STAP2: variants seen among roughly 807,000 people sequenced by gnomAD.
STAP2 encodes the protein signal-transducing adaptor protein 2.
A neutral mutation model predicts 52.7 loss-of-function variants in STAP2; 58 were observed. That is an observed-to-expected ratio of 1.10 (90% CI 0.89 to 1.37). STAP2 has a LOEUF of 1.37. Among genes scored for constraint, STAP2 ranks in the 40% most tolerant of loss-of-function variants. The pLI is 0.00. For missense variants in STAP2, 522 were observed against 519.4 expected, an observed-to-expected ratio of 1.00 and a Z score of -0.05; for synonymous variants, 231 against 210.5, an observed-to-expected ratio of 1.10 and a Z score of -0.84.
chr19:4,332,437 C>T (rs1971909472), intron 3 of STAP2, among the ~76,000 whole-genome samples: 1 of 151,638 alleles, frequency 6.6e-6, no homozygotes, highest in Admixed American at 6.6e-5. Flanking sequence ...AACTCCTGGG[C>T]CCAAGCTATC....
At position 4,338,637 on chromosome 19, in the gene STAP2, G is replaced by T. The variant is rs369304509; in HGVS notation, c.102+15C>A. 4.4e-6 allele frequency: 6 copies of T among 1,351,332 alleles called. No homozygotes were observed. The East Asian group carries it at 1.8e-4, about 40-fold the overall frequency. 83.7% of individuals were successfully genotyped at this position (1,351,332 alleles called of 1,614,324 possible). A position where few individuals can be genotyped will look rare whatever the true frequency, so the allele number is the denominator to read the frequency against. On this transcript the variant is annotated intron_variant, in intron 1 of 12. Transcript: ENST00000594605. The stretch of plus-strand genomic sequence containing the variant: ...CGGTGGCCCAGCAGGGCCAGCCCCC[G>T]CCTCCCCACCTTACCCGGTCACAGG...
At chr19:4,324,759 C>A in intron 11 of STAP2, 1 of 507,762 alleles carries the variant, frequency 2.0e-6, no homozygotes, top group Non-Finnish European at 3.6e-6. Flanking sequence ...TTGAACCCGG[C>A]AGACAGAGGT....
intron 5 of STAP2, among the ~76,000 whole-genome samples, chr19:4,329,565 G>A (rs933602579): frequency 1.3e-5 from 2 of 151,370 alleles, no homozygotes; most frequent in African/African-American, 4.9e-5. Flanking sequence ...ACCAAGAACC[G>A]CCCACAAAGA....
chr19:4,334,663 A>G (rs1659262380), intron 1 of STAP2, among the ~76,000 whole-genome samples: 2 of 146,580 alleles, frequency 1.4e-5, no homozygotes, highest in South Asian at 2.2e-4. Context: ...CCATCCGTCC[A>G]TCACCCCCAT....
rs10413905 is a variant in STAP2 at position 4,333,669 on chromosome 19, T to C, written c.297+25A>G. On this transcript the variant is annotated intron_variant, in intron 3 of 12. Transcript: ENST00000594605. ...GCATCTTCTGCAAGCACCGCCCCTCTGCACCCCTCCAGCAAGGGACCTACC... is the reference window on the plus strand; with the variant it reads ...GCATCTTCTGCAAGCACCGCCCCTCCGCACCCCTCCAGCAAGGGACCTACC... 524,521 of 1,601,412 alleles carry C rather than the reference T, an allele frequency of 0.33. 88,523 individuals are homozygous for C. Among genetic ancestry groups the C allele is most frequent in the East Asian group, 0.55 (24,414 of 44,686 alleles).
At position 4,324,129 on chromosome 19, in the gene STAP2, C is replaced by T. The variant is rs764762672; in HGVS notation, c.*4G>A. Reference sequence around the variant, plus strand: ...CTAGCCCGCTGGTCCCTGGTGTGTCCGAATCAGTGCTCCAGTGCCCGCCTC... The same window carrying T: ...CTAGCCCGCTGGTCCCTGGTGTGTCTGAATCAGTGCTCCAGTGCCCGCCTC... On this transcript the variant is annotated 3_prime_UTR_variant, in exon 13 of 13. Transcript: ENST00000594605. 27 of 1,551,420 alleles carry T rather than the reference C, an allele frequency of 1.7e-5. No homozygotes were observed. The highest frequency in any genetic ancestry group is 2.4e-5 in the South Asian group (2 of 84,052).
rs1363055943 is a variant in STAP2 at position 4,324,170 on chromosome 19, T to G, written c.1175A>C (p.Gln392Pro). The part of the protein sequence containing the change: ...AGLADMTAEL[Q>P]KKLEKRRALE... ...TGCCCGCCTCTTCTCCAGCTTCTTC[T>G]GTAGCTCTGCCGTCATGTCTGCCAG... The change falls in exon 13 of 13, where the codon CAG becomes CCG. Residue 392 changes from glutamine (Q) to proline (P), a missense_variant. Physicochemically the swap from Gln to Pro is moderately conservative, Grantham distance 76 (BLOSUM62 -1). Coordinates refer to ENST00000594605, the MANE Select transcript of STAP2 (RefSeq NM_001013841.2). 2 of 1,551,410 alleles carry G rather than the reference T, an allele frequency of 1.3e-6. No individual in the cohort carries two copies. The highest frequency in any genetic ancestry group is 1.7e-6 in the Non-Finnish European group (2 of 1,147,012).
intron 9 of STAP2, among the ~76,000 whole-genome samples, chr19:4,325,849 T>C (rs1971784296): frequency 6.6e-6 from 1 of 151,924 alleles, no homozygotes; most frequent in African/African-American, 2.4e-5. Flanking sequence ...CAGGCTCCTG[T>C]AATCGCAGCT....
chr19:4,337,792 A>T (rs1040609937), intron 1 of STAP2, among the ~76,000 whole-genome samples: 5 of 152,080 alleles, frequency 3.3e-5, no homozygotes, highest in African/African-American at 7.2e-5. Flanking sequence ...TGGAGGTTGC[A>T]GTGAGCCGAG....
At position 4,335,745 on chromosome 19, in the gene STAP2, C is replaced by G. The variant is rs551924018; in HGVS notation, c.103-1701G>C. 4.6e-5 allele frequency among the ~76,000 whole-genome samples: 7 copies of G among 152,232 alleles called. No individual in the cohort carries two copies. The East Asian group carries it at 1.4e-3, about 29-fold the overall frequency. On this transcript the variant is annotated intron_variant, in intron 1 of 12. Transcript: ENST00000594605. ...TTTGAGCTGTCTTTGTCTGTTTCCCCAGCTGTAAAATGGTGATAATAATGG... is the reference window on the plus strand; with the variant it reads ...TTTGAGCTGTCTTTGTCTGTTTCCCGAGCTGTAAAATGGTGATAATAATGG...
chr19:4,332,147 T>TCTTCCCTAGTCCAATTTC, intron 3 of STAP2, 69 bp from the exon 4 acceptor site: 1 of 1,299,464 alleles, frequency 7.7e-7, no homozygotes, highest in Non-Finnish European at 1.1e-6. Flanking sequence ...GAAATTGGAC[T>TCTTCCCTAGTCCAATTTC]AGGGAAGAGT....
At position 4,325,531 on chromosome 19, in the gene STAP2, T is replaced by G; in HGVS notation, c.844A>C (p.Thr282Pro). The change falls in exon 10 of 13, where the codon ACA (threonine) becomes CCA (proline). Residue 282 changes from threonine to proline, a missense_variant. Physicochemically the swap from Thr to Pro is conservative, Grantham distance 38. Coordinates refer to ENST00000594605, the MANE Select transcript of STAP2 (RefSeq NM_001013841.2). ...SAPGPGPAPCTGGPKPLSPAS... is the reference protein window; with the variant it reads ...SAPGPGPAPCPGGPKPLSPAS... ...GGTGACAGCGGCTTGGGGCCACCTGTGCAGGGTGCAGGACCTGATGGGGAA... is the reference window on the plus strand; with the variant it reads ...GGTGACAGCGGCTTGGGGCCACCTGGGCAGGGTGCAGGACCTGATGGGGAA... 1 of 1,597,228 alleles carries G rather than the reference T, an allele frequency of 6.3e-7. No individual in the cohort carries two copies. The highest frequency in any genetic ancestry group is 8.5e-7 in the Non-Finnish European group (1 of 1,172,496).
intron 6 of STAP2, 27 bp downstream of exon 6, chr19:4,328,648 C>T: frequency 2.5e-6 from 4 of 1,574,932 alleles, no homozygotes; most frequent in Non-Finnish European, 3.4e-6. Context: ...TCCTCCCACC[C>T]AGGGCTCTCC....
At chr19:4,324,810 T>G in intron 11 of STAP2, 1 of 439,176 alleles carries the variant, frequency 2.3e-6, no homozygotes, top group East Asian at 4.4e-5. Context: ...GGCAACAGAG[T>G]GAGACTCCAT....
At chr19:4,327,483 A>G (rs1971814525) in intron 6 of STAP2, 98 bp from the exon 7 acceptor site, 2 of 1,323,338 alleles carry the variant, frequency 1.5e-6, no homozygotes, top group Non-Finnish European at 2.1e-6. Context: ...CTCCAATAGA[A>G]ACAGGTCCAT....
intron 3 of STAP2, 119 bp from the exon 4 acceptor site, chr19:4,332,197 T>A (rs1245267974): frequency 0.032 from 85 of 2,644 alleles, no homozygotes; most frequent in East Asian, 0.061. Flanking sequence ...CTTTTTCTTC[T>A]TTTTTTTTTT....
At chr19:4,335,978 T>C (rs572008114) in intron 1 of STAP2, among the ~76,000 whole-genome samples, 118 of 152,108 alleles carry the variant, frequency 7.8e-4, no homozygotes, top group Middle Eastern at 3.4e-3. Context: ...AGAACCTGGG[T>C]CTTCTTAATT....
chr19:4,325,316 G>A lies in STAP2; in HGVS notation c.980-8C>T. ...GCCAACTAGAGGAAGCCACTGCGTG[G>A]ACAAAAGTGTAACGTGTCACATCAG... On this transcript the variant is annotated splice_polypyrimidine_tract_variant and splice_region_variant and intron_variant, in intron 10 of 12. Transcript: ENST00000594605. The A allele has an allele frequency of 1.9e-6, 3 of 1,614,198 alleles. No homozygotes were observed. The highest frequency in any genetic ancestry group is 2.5e-6 in the Non-Finnish European group (3 of 1,180,026).
rs1240499572 is a variant in STAP2 at position 4,338,766 on chromosome 19, G to T, written c.-13C>A. 6.2e-7 allele frequency: 1 copy of T among 1,606,578 alleles called. No individual in the cohort carries two copies. The highest frequency in any genetic ancestry group is 1.3e-5 in the African/African-American group (1 of 74,806). On this transcript the variant is annotated 5_prime_UTR_variant, in exon 1 of 13. Coordinates refer to ENST00000594605, the MANE Select transcript of STAP2 (RefSeq NM_001013841.2). ...GGGCAGAGGCCATGACGGAGCCAGG[G>T]TCTTCCGCCTGGCCTCTCCTTCCAG...
Sources: allele counts gnomAD v4.1 joint callset (sites outside exome capture counted in the v4.1 genomes callset), GRCh38; gene constraint gnomAD v4.1.1; transcripts MANE v1.5; gene names NCBI Gene and HGNC (gene_info 2026-07-23, HGNC 2026-07-21).